ALDH1L1: variants seen among roughly 807,000 people sequenced by gnomAD.
ALDH1L1 encodes cytosolic 10-formyltetrahydrofolate dehydrogenase.
A neutral mutation model predicts 101.1 loss-of-function variants in ALDH1L1; 68 were observed. That is an observed-to-expected ratio of 0.67 (90% CI 0.55 to 0.82). ALDH1L1 has a LOEUF of 0.82. ALDH1L1 is among the 40% of genes least tolerant of loss of function. The pLI is 0.00. For missense variants in ALDH1L1, 1,087 were observed against 1,172.7 expected (o/e 0.93, Z 1.07); for synonymous variants, 486 against 470.8 (o/e 1.03, Z -0.42).
chr3:126,135,399 G>T, intron 12 of ALDH1L1, 136 bp downstream of exon 12: 1 of 1,233,372 alleles, frequency 8.1e-7, no homozygotes, highest in Non-Finnish European at 1.1e-6. Context: ...TGGCCCATCT[G>T]ATGGCCTCGG....
chr3:126,181,193 C>G, upstream of ALDH1L1: 3 of 620,044 alleles, frequency 4.8e-6, no homozygotes, highest in Non-Finnish European at 5.7e-6. Flanking sequence ...CAGACCCCTC[C>G]TCCTGGTTCC....
chr3:126,123,943 G>C (rs1434745675), intron 16 of ALDH1L1, among the ~76,000 whole-genome samples: 1 of 152,144 alleles, frequency 6.6e-6, no homozygotes, highest in Non-Finnish European at 1.5e-5. Flanking sequence ...ATCTGCACAA[G>C]AAGAGACTTT....
chr3:126,111,221 T>C (rs1317730806), intron 19 of ALDH1L1, among the ~76,000 whole-genome samples: 1 of 152,186 alleles, frequency 6.6e-6, no homozygotes, highest in African/African-American at 2.4e-5. Context: ...CCTCACCCCT[T>C]GAATCTGGGC....
chr3:126,130,292 C>A lies in ALDH1L1; in HGVS notation c.1625G>T (p.Gly542Val). The change falls in exon 14 of 23, where the codon GGC becomes GTC. Residue 542 changes from glycine to valine, a missense_variant and splice_region_variant. Coordinates refer to ENST00000393434, the MANE Select transcript of ALDH1L1 (RefSeq NM_012190.4). ...GGCCTGGTTGATGGGGATGGTGGAG[C>A]CCTGGAAGAGGAACAGGGGCAGTCA... ...YFAGWCDKIQGSTIPINQARP... is the reference protein window; with the variant it reads ...YFAGWCDKIQVSTIPINQARP... 2.5e-6 allele frequency: 4 copies of A among 1,607,864 alleles called. No homozygotes were observed. The highest frequency in any genetic ancestry group is 3.4e-6 in the Non-Finnish European group (4 of 1,177,002).
intron 14 of ALDH1L1, among the ~76,000 whole-genome samples, chr3:126,128,153 T>TG (rs1328311165): frequency 6.6e-6 from 1 of 152,156 alleles, no homozygotes. Context: ...TCAAGGGCAC[T>TG]GGGAAGCCAC....
intron 2 of ALDH1L1, among the ~76,000 whole-genome samples, chr3:126,159,070 A>T (rs2080982973): frequency 6.6e-6 from 1 of 152,192 alleles, no homozygotes; most frequent in Non-Finnish European, 1.5e-5. Context: ...GCAACAGGGC[A>T]TCCCCACTCC....
At chr3:126,189,547 G>A (rs6795241) in intron 1 of ALDH1L1, among the ~76,000 whole-genome samples, 1 of 152,240 alleles carries the variant, frequency 6.6e-6, no homozygotes, top group East Asian at 1.9e-4. Flanking sequence ...AGAAGAACTT[G>A]CTGTGGTGCC....
chr3:126,105,682 T>C, intron 22 of ALDH1L1, 44 bp downstream of exon 22: 1 of 1,607,932 alleles, frequency 6.2e-7, no homozygotes, highest in Non-Finnish European at 8.5e-7. Flanking sequence ...AGATGTTTGT[T>C]GAATGAATAA....
intron 20 of ALDH1L1, among the ~76,000 whole-genome samples, chr3:126,109,451 C>T (rs1194564024): frequency 6.6e-6 from 1 of 152,046 alleles, no homozygotes; most frequent in East Asian, 1.9e-4. Flanking sequence ...GTCAGGAGCT[C>T]TGGGTGGGGT....
chr3:126,129,965 C>A, intron 14 of ALDH1L1: 3 of 318,378 alleles, frequency 9.4e-6, no homozygotes, highest in Non-Finnish European at 1.7e-5. Context: ...CCACCATACC[C>A]ATTTTGGACA....
At chr3:126,125,783 C>A in intron 14 of ALDH1L1, 62 bp from the exon 15 acceptor site, 1 of 1,191,632 alleles carries the variant, frequency 8.4e-7, no homozygotes, top group Non-Finnish European at 1.1e-6. Flanking sequence ...GTGGACCTGC[C>A]AATTCCCTCC....
intron 8 of ALDH1L1, 104 bp from the exon 9 acceptor site, chr3:126,147,030 G>C (rs1187656254): frequency 1.8e-6 from 2 of 1,116,850 alleles, no homozygotes; most frequent in African/African-American, 3.2e-5. Flanking sequence ...CCTGGGGCCA[G>C]GCTGGGCTTC....
intron 9 of ALDH1L1, among the ~76,000 whole-genome samples, chr3:126,142,752 G>A (rs1011306204): frequency 1.1e-4 from 16 of 152,178 alleles, no homozygotes; most frequent in African/African-American, 3.6e-4. Context: ...GTGAAAGACT[G>A]AAAGCCTTTC....
intron 18 of ALDH1L1, among the ~76,000 whole-genome samples, chr3:126,113,651 C>T (rs1946150933): frequency 2.0e-5 from 3 of 152,186 alleles, no homozygotes; most frequent in Admixed American, 1.3e-4. Context: ...TCAGTTTCTC[C>T]ACCAAATGAG....
At chr3:126,106,919 G>A (rs764699319) in intron 21 of ALDH1L1, among the ~76,000 whole-genome samples, 1 of 152,254 alleles carries the variant, frequency 6.6e-6, no homozygotes, top group Non-Finnish European at 1.5e-5. Flanking sequence ...AGGGAAGGGA[G>A]CTGCCTTTGC....
chr3:126,129,085 G>A (rs1576434488), intron 14 of ALDH1L1: 1 of 152,374 alleles, frequency 6.6e-6, no homozygotes. Context: ...CCTCTGATGG[G>A]ACAACCAAAA....
chr3:126,113,129 G>T (rs1946134330), intron 18 of ALDH1L1, among the ~76,000 whole-genome samples: 1 of 152,220 alleles, frequency 6.6e-6, no homozygotes, highest in African/African-American at 2.4e-5. Flanking sequence ...CACCACTGGA[G>T]GATAAGGCTG....
chr3:126,170,320 A>G (rs1167022792), intron 1 of ALDH1L1, among the ~76,000 whole-genome samples: 4 of 151,920 alleles, frequency 2.6e-5, no homozygotes, highest in Non-Finnish European at 5.9e-5. Context: ...GAGAATCTCA[A>G]TTACTGTAGC....
intron 10 of ALDH1L1, among the ~76,000 whole-genome samples, chr3:126,137,451 C>T (rs1253852057): frequency 2.0e-5 from 3 of 152,218 alleles, no homozygotes; most frequent in African/African-American, 7.2e-5. Context: ...TCTTAATTTC[C>T]TTAAAAAACA....
Sources: gnomAD v4.1 joint callset for allele counts (sites outside exome capture counted in the v4.1 genomes callset) on GRCh38, gnomAD v4.1.1 for gene constraint, MANE v1.5 for transcripts, NCBI Gene and HGNC (gene_info 2026-07-23, HGNC 2026-07-21) for gene names.